The following HCRTR2 variants were observed in gnomAD, a reference collection of about 807,000 sequenced individuals.
HCRTR2 encodes the protein orexin receptor type 2.
Under a neutral mutation model 49.0 loss-of-function variants are expected in HCRTR2, and 22 were observed. The observed-to-expected ratio is 0.45, with a 90% confidence interval of 0.32 to 0.64. HCRTR2 has a LOEUF of 0.64. Ranked by LOEUF, HCRTR2 falls within the 30% of genes least tolerant of loss-of-function variation. The pLI is 0.04. For synonymous variants in HCRTR2, 236 were observed against 205.3 expected, an observed-to-expected ratio of 1.15 and a Z score of -1.28; for missense variants, 491 against 559.4, an observed-to-expected ratio of 0.88 and a Z score of 1.23.
At chr6:55,259,925 T>C (rs1766722903) in intron 3 of HCRTR2, among the ~76,000 whole-genome samples, 1 of 152,170 alleles carries the variant, frequency 6.6e-6, no homozygotes, top group African/African-American at 2.4e-5. Context: ...TTAATCAGCT[T>C]AGACTATCAT....
intron 1 of HCRTR2, among the ~76,000 whole-genome samples, chr6:55,221,697 C>T (rs1765899509): frequency 1.3e-5 from 2 of 151,524 alleles, no homozygotes; most frequent in African/African-American, 4.9e-5. Flanking sequence ...CCTGTAGTCC[C>T]AACTACTCAG....
intron 1 of HCRTR2, among the ~76,000 whole-genome samples, chr6:55,138,334 T>A (rs9349759): frequency 6.6e-6 from 1 of 152,198 alleles, no homozygotes; most frequent in Non-Finnish European, 1.5e-5. Context: ...AAGATAAACT[T>A]CTTTTAACAA....
intron 1 of HCRTR2, among the ~76,000 whole-genome samples, chr6:55,127,259 G>T (rs182556256): frequency 5.0e-4 from 76 of 152,296 alleles, no homozygotes; most frequent in Non-Finnish European, 8.8e-4. Context: ...GAGAAGCACA[G>T]TATCTGGGCT....
chr6:55,187,925 C>A (rs937631512), intron 1 of HCRTR2, among the ~76,000 whole-genome samples: 2 of 151,824 alleles, frequency 1.3e-5, no homozygotes, highest in South Asian at 2.1e-4. Context: ...TACAGGCGCA[C>A]GCCACCATGC....
At chr6:55,174,874 G>A in intron 1 of HCRTR2, 64 bp downstream of exon 1, 1 of 1,366,754 alleles carries the variant, frequency 7.3e-7, no homozygotes. Flanking sequence ...GGGCTGAGAA[G>A]GCTCTAAAGA....
chr6:55,202,928 C>G (rs752377588), intron 1 of HCRTR2, among the ~76,000 whole-genome samples: 10 of 152,198 alleles, frequency 6.6e-5, no homozygotes, highest in Admixed American at 6.5e-4. Flanking sequence ...TAAGCTTCAG[C>G]AGCTCCAATT....
At chr6:55,132,674 T>C (rs1764374962) in intron 1 of HCRTR2, among the ~76,000 whole-genome samples, 1 of 151,182 alleles carries the variant, frequency 6.6e-6, no homozygotes, top group Non-Finnish European at 1.5e-5. Flanking sequence ...AAAGAAGACA[T>C]GGTTAGGGAG....
At chr6:55,171,534 A>G (rs532961043), upstream of HCRTR2, among the ~76,000 whole-genome samples, 2 of 152,280 alleles carry the variant, frequency 1.3e-5, no homozygotes, top group East Asian at 1.9e-4. Context: ...TATAATATTT[A>G]TTATCTATGG....
intron 1 of HCRTR2, among the ~76,000 whole-genome samples, chr6:55,192,901 C>T (rs2127279478): frequency 6.6e-6 from 1 of 152,220 alleles, no homozygotes; most frequent in Admixed American, 6.5e-5. Flanking sequence ...AGAAAATGTA[C>T]TGGAGGTCTT....
intron 1 of HCRTR2, among the ~76,000 whole-genome samples, chr6:55,148,145 A>T (rs1255918173): frequency 6.6e-6 from 1 of 152,162 alleles, no homozygotes; most frequent in Non-Finnish European, 1.5e-5. Flanking sequence ...CAAATTATCT[A>T]ATATTGAAAG....
intron 5 of HCRTR2, among the ~76,000 whole-genome samples, chr6:55,278,629 G>T (rs1230781666): frequency 6.6e-6 from 1 of 151,882 alleles, no homozygotes; most frequent in South Asian, 2.1e-4. Flanking sequence ...AAAGATATAT[G>T]ATTTTTTTTG....
chr6:55,259,719 A>AT (rs1479714487), intron 3 of HCRTR2, among the ~76,000 whole-genome samples: 2 of 151,880 alleles, frequency 1.3e-5, no homozygotes, highest in East Asian at 3.9e-4. Flanking sequence ...AAAAACAGTA[A>AT]TTTTTAATGA....
chr6:55,120,523 G>GCGTGA (rs1314931457), intron 1 of HCRTR2, among the ~76,000 whole-genome samples: 1 of 151,402 alleles, frequency 6.6e-6, no homozygotes, highest in Admixed American at 6.6e-5. Flanking sequence ...TAGCAGTCGT[G>GCGTGA]AATGGGAGTT....
chr6:55,133,284 A>G (rs1181424185), intron 1 of HCRTR2, among the ~76,000 whole-genome samples: 1 of 151,532 alleles, frequency 6.6e-6, no homozygotes, highest in Non-Finnish European at 1.5e-5. Context: ...ATACATTTTT[A>G]TGCATGCAAA....
upstream of HCRTR2, among the ~76,000 whole-genome samples, chr6:55,170,499 T>C (rs9349762): frequency 0.011 from 1,655 of 152,046 alleles, 10 homozygotes; most frequent in East Asian, 0.03. Flanking sequence ...TGTACATTGA[T>C]GTTAACTATC....
intron 1 of HCRTR2, among the ~76,000 whole-genome samples, chr6:55,202,089 A>G (rs548551868): frequency 3.3e-5 from 5 of 152,334 alleles, no homozygotes; most frequent in East Asian, 1.9e-4. Flanking sequence ...GAGAGCTTAT[A>G]GATTCTGAGA....
At chr6:55,231,147 C>A (rs1408794105) in intron 1 of HCRTR2, among the ~76,000 whole-genome samples, 3 of 152,072 alleles carry the variant, frequency 2.0e-5, no homozygotes, top group African/African-American at 7.2e-5. Flanking sequence ...ACTACACACA[C>A]TTCAGTCATG....
chr6:55,239,042 TG>T (rs1766269147), intron 1 of HCRTR2, among the ~76,000 whole-genome samples: 1 of 152,148 alleles, frequency 6.6e-6, no homozygotes, highest in Non-Finnish European at 1.5e-5. Context: ...GACATCACAC[TG>T]GGAACGGGGA....
intron 1 of HCRTR2, among the ~76,000 whole-genome samples, chr6:55,246,259 C>A (rs968167614): frequency 6.6e-6 from 1 of 151,998 alleles, no homozygotes; most frequent in Non-Finnish European, 1.5e-5. Flanking sequence ...TACTTTTTTA[C>A]AGCAGCCTTA....
Sources: allele counts gnomAD v4.1 joint callset (sites outside exome capture counted in the v4.1 genomes callset), GRCh38; gene constraint gnomAD v4.1.1; transcripts MANE v1.5; gene names NCBI Gene and HGNC (gene_info 2026-07-23, HGNC 2026-07-21).